The following SGCD variants were observed in gnomAD, a reference collection of about 807,000 sequenced individuals.
The protein encoded by SGCD is delta-sarcoglycan.
A neutral mutation model predicts 36.6 loss-of-function variants in SGCD; 18 were observed. The ratio of observed to expected loss-of-function variants is 0.49; its 90% CI spans 0.34 to 0.73. The LOEUF (loss-of-function observed/expected upper bound fraction) is 0.73. SGCD is among the 30% of genes least tolerant of loss of function. SGCD has a pLI of 0.01. For synonymous variants in SGCD, 133 were observed against 130.6 expected (o/e 1.02, Z -0.12); for missense variants, 387 against 346.7 (o/e 1.12, Z -0.92).
chr5:156,749,117 G>T (rs2113132763), intron 7 of SGCD, among the ~76,000 whole-genome samples: 1 of 152,108 alleles, frequency 6.6e-6, no homozygotes, highest in Non-Finnish European at 1.5e-5. Flanking sequence ...TTATAAGATT[G>T]TCAGTTCAAA....
chr5:155,806,880 A>G, the SGCD span, among the ~76,000 whole-genome samples: 3 of 152,248 alleles, frequency 2.0e-5, no homozygotes, highest in Non-Finnish European at 4.4e-5. Context: ...AAATCAGAAC[A>G]GAAAACAGTA....
chr5:156,402,911 T>G (rs1476008487), intron 3 of SGCD, among the ~76,000 whole-genome samples: 1 of 152,216 alleles, frequency 6.6e-6, no homozygotes, highest in African/African-American at 2.4e-5. Context: ...TCAGTATTGC[T>G]GGATCATATG....
At chr5:156,120,138 T>C (rs1561527459) in intron 2 of SGCD, among the ~76,000 whole-genome samples, 1 of 152,208 alleles carries the variant, frequency 6.6e-6, no homozygotes, top group Non-Finnish European at 1.5e-5. Context: ...CTGTGCCCTC[T>C]GGACCTAGTG....
chr5:156,258,150 T>G (rs981041435), intron 3 of SGCD, among the ~76,000 whole-genome samples: 1 of 152,156 alleles, frequency 6.6e-6, no homozygotes, highest in African/African-American at 2.4e-5. Flanking sequence ...GTGACACAAT[T>G]TGAGCTTTCA....
intron 1 of SGCD, among the ~76,000 whole-genome samples, chr5:156,074,855 T>C (rs553504154): frequency 1.6e-4 from 24 of 152,308 alleles, no homozygotes; most frequent in Middle Eastern, 3.4e-3. Flanking sequence ...TTAACAATTA[T>C]GAGCAGATGA....
the SGCD span, among the ~76,000 whole-genome samples, chr5:155,834,197 C>CCG: frequency 6.6e-6 from 1 of 151,996 alleles, no homozygotes; most frequent in Non-Finnish European, 1.5e-5. Flanking sequence ...TCCTTTAAGA[C>CCG]TAAATACTCC....
At chr5:155,820,232 T>C in the SGCD span, among the ~76,000 whole-genome samples, 2 of 152,186 alleles carry the variant, frequency 1.3e-5, no homozygotes, top group African/African-American at 4.8e-5. Context: ...AAGAAATAGT[T>C]TTCCTATAGA....
At chr5:156,279,735 C>A (rs1766402502) in intron 3 of SGCD, among the ~76,000 whole-genome samples, 1 of 151,976 alleles carries the variant, frequency 6.6e-6, no homozygotes, top group African/African-American at 2.4e-5. Context: ...AGTCATATTA[C>A]TGGGGAGTAG....
the SGCD span, among the ~76,000 whole-genome samples, chr5:155,748,669 A>G: frequency 6.6e-6 from 1 of 152,282 alleles, no homozygotes; most frequent in Non-Finnish European, 1.5e-5. Context: ...AGTCCAAGTC[A>G]CATGTATTAA....
intron 3 of SGCD, among the ~76,000 whole-genome samples, chr5:156,422,249 C>A (rs1384880763): frequency 6.6e-6 from 1 of 152,146 alleles, no homozygotes; most frequent in African/African-American, 2.4e-5. Flanking sequence ...AAAACAATAT[C>A]CCTGTTTGCT....
chr5:156,437,244 A>G (rs1416584781), intron 3 of SGCD, among the ~76,000 whole-genome samples: 2 of 152,108 alleles, frequency 1.3e-5, no homozygotes, highest in African/African-American at 2.4e-5. Context: ...TCAATGGTAC[A>G]TATGTTGTGG....
intron 1 of SGCD, among the ~76,000 whole-genome samples, chr5:155,898,188 G>C (rs183590064): frequency 6.6e-6 from 1 of 152,056 alleles, no homozygotes; most frequent in Non-Finnish European, 1.5e-5. Context: ...TTGGTAAATT[G>C]TCCCTGCTAT....
intron 3 of SGCD, among the ~76,000 whole-genome samples, chr5:156,423,243 T>TATAATATAATATA (rs1561685433): frequency 2.5e-4 from 1 of 3,988 alleles, no homozygotes; most frequent in African/African-American, 6.4e-4. Context: ...TATATTATAT[T>TATAATATAATATA]TTATAATATT....
chr5:155,853,875 C>T, the SGCD span, among the ~76,000 whole-genome samples: 3 of 152,160 alleles, frequency 2.0e-5, no homozygotes, highest in Admixed American at 6.5e-5. Context: ...GTTATGACTA[C>T]ACCAACATTT....
intron 1 of SGCD, among the ~76,000 whole-genome samples, chr5:156,010,296 G>A (rs1214812808): frequency 6.6e-6 from 1 of 152,180 alleles, no homozygotes; most frequent in Non-Finnish European, 1.5e-5. Flanking sequence ...TGTTGGGAAT[G>A]TAATACAGTA....
chr5:156,204,077 G>T (rs1764211887), intron 3 of SGCD, among the ~76,000 whole-genome samples: 2 of 152,018 alleles, frequency 1.3e-5, no homozygotes. Flanking sequence ...TAACTACATT[G>T]ATGGTTATTA....
the SGCD span, among the ~76,000 whole-genome samples, chr5:155,832,409 A>G: frequency 2.0e-5 from 3 of 152,188 alleles, no homozygotes; most frequent in Non-Finnish European, 4.4e-5. Flanking sequence ...ATACCTCAGT[A>G]TCTTTTGTGT....
chr5:155,796,356 T>C, the SGCD span, among the ~76,000 whole-genome samples: 1 of 152,132 alleles, frequency 6.6e-6, no homozygotes, highest in Non-Finnish European at 1.5e-5. Context: ...ATAATCTGTG[T>C]GTCAAAGAAG....
At chr5:156,390,428 A>T (rs1771502117) in intron 3 of SGCD, among the ~76,000 whole-genome samples, 1 of 152,150 alleles carries the variant, frequency 6.6e-6, no homozygotes. Flanking sequence ...CTTTGTTTTT[A>T]TCAAAAAGTT....
Sources: allele counts gnomAD v4.1 joint callset (sites outside exome capture counted in the v4.1 genomes callset), GRCh38; gene constraint gnomAD v4.1.1; transcripts MANE v1.5; gene names NCBI Gene and HGNC (gene_info 2026-07-23, HGNC 2026-07-21).